Variants in SCD5 observed in about 807,000 individuals in gnomAD.
The protein encoded by SCD5 is stearoyl-CoA desaturase 5, also known as acyl-CoA-desaturase 4.
A neutral mutation model predicts 30.4 loss-of-function variants in SCD5; 20 were observed. The observed-to-expected ratio is 0.66, with a 90% CI of 0.46 to 0.96. The LOEUF is 0.96. Among genes scored for constraint, SCD5 ranks in the 40% least tolerant of loss-of-function variants. SCD5 has a pLI of 0.00. For missense variants in SCD5, 381 were observed against 443.3 expected, an observed-to-expected ratio of 0.86 and a Z score of 1.26; for synonymous variants, 173 against 176.4, an observed-to-expected ratio of 0.98 and a Z score of 0.16.
At chr4:82,636,452 G>GA (rs36060565) in intron 4 of SCD5, 139 bp downstream of exon 4, 275,233 of 547,848 alleles carry the variant, frequency 0.5, 36,090 homozygotes, top group African/African-American at 0.64. Context: ...CTCTATCTCG[G>GA]AAAAAAAAAA....
intron 2 of SCD5, among the ~76,000 whole-genome samples, chr4:82,699,910 T>C (rs1719780819): frequency 6.6e-6 from 1 of 151,680 alleles, no homozygotes; most frequent in African/African-American, 2.4e-5. Flanking sequence ...TCCGCCTGCC[T>C]CGGCCTCCCA....
At chr4:82,755,625 A>T (rs1721218353) in intron 1 of SCD5, among the ~76,000 whole-genome samples, 1 of 152,242 alleles carries the variant, frequency 6.6e-6, no homozygotes, top group African/African-American at 2.4e-5. Flanking sequence ...GCAGAAAAGA[A>T]GGCAGCATTA....
At chr4:82,759,731 G>A (rs59015262) in intron 1 of SCD5, among the ~76,000 whole-genome samples, 1 of 151,296 alleles carries the variant, frequency 6.6e-6, no homozygotes, top group African/African-American at 2.4e-5. Context: ...CTTCCTTTGG[G>A]CCTTCATTGT....
intron 3 of SCD5, among the ~76,000 whole-genome samples, chr4:82,655,395 ACT>A (rs1258312789): frequency 2.0e-5 from 3 of 152,166 alleles, no homozygotes; most frequent in East Asian, 3.8e-4. Flanking sequence ...ATTTGGCCAC[ACT>A]CTGTTCATTA....
In SCD5 at chr4:82,750,593, C is replaced by T. The variant is rs144485959; in HGVS notation, c.233-45180G>A. On this transcript the variant is annotated intron_variant, in intron 1 of 4. Transcript: ENST00000319540. ...AGCCATGGAGAGTCTTTTGAGTCCT[C>T]GAGAATATGGCTTTACTTTTGCCAG... Among the ~76,000 whole-genome samples the T allele has an allele frequency of 9.9e-3, 1,487 of 150,964 alleles. 14 individuals carry two copies. Among genetic ancestry groups the T allele is most frequent in the Middle Eastern group, 0.034 (10 of 292 alleles).
chr4:82,752,431 C>T (rs1721124698), intron 1 of SCD5, among the ~76,000 whole-genome samples: 1 of 152,058 alleles, frequency 6.6e-6, no homozygotes, highest in African/African-American at 2.4e-5. Context: ...TCAATAAAGG[C>T]ATCATTTTAC....
chr4:82,695,594 TG>T (rs1212493856), intron 2 of SCD5, among the ~76,000 whole-genome samples: 5 of 152,132 alleles, frequency 3.3e-5, no homozygotes, highest in African/African-American at 4.8e-5. Context: ...AACTTTGATT[TG>T]GGGCATGCTG....
intron 1 of SCD5, among the ~76,000 whole-genome samples, chr4:82,754,060 T>C (rs1721172055): frequency 6.6e-6 from 1 of 151,928 alleles, no homozygotes; most frequent in African/African-American, 2.4e-5. Context: ...GCCCGAAAAA[T>C]GAGACCTGAG....
chr4:82,709,811 T>C (rs149685944), intron 1 of SCD5, among the ~76,000 whole-genome samples: 2 of 152,278 alleles, frequency 1.3e-5, no homozygotes, highest in Admixed American at 1.3e-4. Flanking sequence ...GCAGAAATAA[T>C]CCAAGTGTCC....
intron 3 of SCD5, among the ~76,000 whole-genome samples, chr4:82,671,170 G>T (rs1728312608): frequency 6.6e-6 from 1 of 152,286 alleles, no homozygotes; most frequent in Non-Finnish European, 1.5e-5. Flanking sequence ...CGATATAGGG[G>T]TTAATTCTCC....
At chr4:82,797,915 C>A (rs1159356124) in intron 1 of SCD5, among the ~76,000 whole-genome samples, 3 of 152,156 alleles carry the variant, frequency 2.0e-5, no homozygotes, top group Non-Finnish European at 4.4e-5. Flanking sequence ...AGAGGTGACA[C>A]AATCGCCCGC....
At chr4:82,652,189 C>T (rs1489014381) in intron 3 of SCD5, among the ~76,000 whole-genome samples, 6 of 152,228 alleles carry the variant, frequency 3.9e-5, no homozygotes, top group African/African-American at 1.4e-4. Flanking sequence ...TAGTAGGAAG[C>T]GAGGTATAAA....
chr4:82,718,656 T>C (rs1720286827), intron 1 of SCD5, among the ~76,000 whole-genome samples: 1 of 151,870 alleles, frequency 6.6e-6, no homozygotes, highest in Non-Finnish European at 1.5e-5. Context: ...TAATGCAATA[T>C]TCTTTCAAGA....
chr4:82,728,313 T>C (rs1027161011), intron 1 of SCD5, among the ~76,000 whole-genome samples: 3 of 152,164 alleles, frequency 2.0e-5, no homozygotes, highest in Non-Finnish European at 2.9e-5. Context: ...ATTTAGTTTC[T>C]AGTTTTACCT....
chr4:82,784,039 C>T (rs67951332), intron 1 of SCD5, among the ~76,000 whole-genome samples: 32,527 of 151,824 alleles, frequency 0.21, 4,792 homozygotes, highest in African/African-American at 0.42. Context: ...TATACATACA[C>T]AGAGGAAATG....
At chr4:82,653,822 T>A (rs1469607918) in intron 3 of SCD5, among the ~76,000 whole-genome samples, 2 of 152,176 alleles carry the variant, frequency 1.3e-5, no homozygotes, top group African/African-American at 4.8e-5. Context: ...GAGTAATTGT[T>A]TTTCTCTTCT....
chr4:82,653,091 C>T (rs1727790388), intron 3 of SCD5, among the ~76,000 whole-genome samples: 1 of 152,142 alleles, frequency 6.6e-6, no homozygotes, highest in South Asian at 2.1e-4. Flanking sequence ...GAGGTGGAGG[C>T]TCCAGTGATC....
chr4:82,669,155 TGA>T (rs141637860), intron 3 of SCD5, among the ~76,000 whole-genome samples: 3,671 of 152,172 alleles, frequency 0.024, 72 homozygotes, highest in South Asian at 0.099. Context: ...CCCACTCCAT[TGA>T]GAATCCCTAA....
chr4:82,693,027 C>T (rs939814651), intron 2 of SCD5, among the ~76,000 whole-genome samples: 1 of 152,190 alleles, frequency 6.6e-6, no homozygotes, highest in Non-Finnish European at 1.5e-5. Context: ...GGAGCAGAGA[C>T]TTTGGACTCA....
Sources: allele counts gnomAD v4.1 joint callset (sites outside exome capture counted in the v4.1 genomes callset), GRCh38; gene constraint gnomAD v4.1.1; transcripts MANE v1.5; gene names NCBI Gene and HGNC (gene_info 2026-07-23, HGNC 2026-07-21).